The following SCRN3 variants were observed in gnomAD, a reference collection of about 807,000 sequenced individuals.
SCRN3 encodes the protein secernin-3.
Under a neutral mutation model 43.1 loss-of-function variants are expected in SCRN3, and 39 were observed. That is an observed-to-expected ratio of 0.91 (90% CI 0.70 to 1.18). The LOEUF (loss-of-function observed/expected upper bound fraction) is 1.18. Among genes scored for constraint, SCRN3 ranks in the 50% most tolerant of loss-of-function variants. SCRN3 has a pLI of 0.00. For missense variants in SCRN3, 484 were observed against 498.0 expected (o/e 0.97, Z 0.27); for synonymous variants, 147 against 163.1 (o/e 0.90, Z 0.75).
chr2:174,421,038 A>C (rs1383126388), intron 5 of SCRN3, among the ~76,000 whole-genome samples: 3 of 152,178 alleles, frequency 2.0e-5, no homozygotes, highest in Non-Finnish European at 4.4e-5. Flanking sequence ...AAGATTTCTG[A>C]GGGGGAAAAA....
At chr2:174,414,783 A>G (rs1420728147) in intron 5 of SCRN3, among the ~76,000 whole-genome samples, 2 of 66,790 alleles carry the variant, frequency 3.0e-5, no homozygotes, top group African/African-American at 1.0e-4. Context: ...TTTTTTTTTG[A>G]GACAGAGTCT....
In SCRN3 at chr2:174,400,845, GA is replaced by G. The variant is rs1685483413; in HGVS notation, c.342-141del. On this transcript the variant is annotated intron_variant, in intron 3 of 7. Transcript: ENST00000272732. ...CATGATTCCAAACTGACTTCAGAAG[GA>G]AAAGTTTTAAAGTTAGATGTCATTT... 5.8e-6 allele frequency: 4 copies of G among 695,602 alleles called. No homozygotes were observed. The South Asian group carries it at 9.4e-5, about 16-fold the overall frequency. The allele number at this position is 695,602 out of a possible 1,614,324, so 43.1% of individuals were successfully genotyped here.
At chr2:174,421,487 T>C (rs962917979) in intron 5 of SCRN3, among the ~76,000 whole-genome samples, 1 of 152,190 alleles carries the variant, frequency 6.6e-6, no homozygotes, top group African/African-American at 2.4e-5. Context: ...CACAGGATGC[T>C]TTTAGCCAGT....
At chr2:174,421,102 A>G (rs1000979648) in intron 5 of SCRN3, among the ~76,000 whole-genome samples, 10 of 152,228 alleles carry the variant, frequency 6.6e-5, no homozygotes, top group Non-Finnish European at 1.5e-4. Context: ...TCAAGGAACA[A>G]ATATAAAGCT....
intron 5 of SCRN3, among the ~76,000 whole-genome samples, chr2:174,413,165 C>T (rs1001917699): frequency 1.3e-5 from 2 of 152,054 alleles, no homozygotes; most frequent in Non-Finnish European, 2.9e-5. Context: ...AGCCACCACA[C>T]CCGGCCGATA....
At chr2:174,413,451 A>C (rs1298593663) in intron 5 of SCRN3, among the ~76,000 whole-genome samples, 1 of 152,164 alleles carries the variant, frequency 6.6e-6, no homozygotes, top group Non-Finnish European at 1.5e-5. Flanking sequence ...AGCTGCTTGC[A>C]GTCTGCCCCA....
At chr2:174,429,706 A>G (rs1402948894), downstream of SCRN3, 1 of 152,182 alleles carries the variant, frequency 6.6e-6, no homozygotes, top group African/African-American at 2.4e-5. Flanking sequence ...TTATAAAATG[A>G]CATGTATCCA....
chr2:174,420,984 G>A (rs1009817705), intron 5 of SCRN3, among the ~76,000 whole-genome samples: 3 of 152,020 alleles, frequency 2.0e-5, no homozygotes, highest in African/African-American at 4.8e-5. Context: ...TGCAAATCCC[G>A]AGAAGGACAA....
intron 5 of SCRN3, among the ~76,000 whole-genome samples, chr2:174,416,988 C>T (rs1686133203): frequency 6.6e-6 from 1 of 152,006 alleles, no homozygotes; most frequent in South Asian, 2.1e-4. Context: ...TCCAAAAGAA[C>T]ATGTTATAAT....
intron 3 of SCRN3, 80 bp downstream of exon 3, chr2:174,400,183 C>G: frequency 8.9e-7 from 1 of 1,129,060 alleles, no homozygotes; most frequent in Non-Finnish European, 1.2e-6. Flanking sequence ...TTTTATTTTC[C>G]TATTTTTGAG....
Position 174,419,106 on chromosome 2 carries a change from A to G in SCRN3, c.755-3779A>G, listed in dbSNP as rs1206232803. On this transcript the variant is annotated intron_variant, in intron 5 of 7. Transcript: ENST00000272732. ...ATATTGTGAATTACAATTTGGATAC[A>G]GGCTTGCTGTGAGCTTTTTCTTTTA... 5.3e-5 allele frequency among the ~76,000 whole-genome samples: 8 copies of G among 152,312 alleles called. No homozygotes were observed. The South Asian group carries it at 8.3e-4, about 16-fold the overall frequency.
At chr2:174,422,613 A>G (rs1459446627) in intron 5 of SCRN3, among the ~76,000 whole-genome samples, 1 of 151,066 alleles carries the variant, frequency 6.6e-6, no homozygotes, top group Non-Finnish European at 1.5e-5. Flanking sequence ...GGGATTGAAT[A>G]TATTTTTGCG....
chr2:174,412,463 G>A (rs1685955178), intron 5 of SCRN3, among the ~76,000 whole-genome samples: 1 of 151,914 alleles, frequency 6.6e-6, no homozygotes, highest in Admixed American at 6.6e-5. Context: ...GCTGCTGGGA[G>A]GCATCTAAAA....
intron 7 of SCRN3, among the ~76,000 whole-genome samples, chr2:174,425,026 A>G (rs1377276533): frequency 6.6e-6 from 1 of 152,186 alleles, no homozygotes; most frequent in African/African-American, 2.4e-5. Flanking sequence ...CTTAGTATAT[A>G]TCCCACACCA....
At chr2:174,416,955 A>C (rs1686132276) in intron 5 of SCRN3, among the ~76,000 whole-genome samples, 1 of 152,220 alleles carries the variant, frequency 6.6e-6, no homozygotes. Flanking sequence ...CAAAGTAGTT[A>C]ATATCTTATT....
intron 5 of SCRN3, among the ~76,000 whole-genome samples, chr2:174,422,095 CATCAGTAACT>C (rs1362273110): frequency 2.6e-5 from 4 of 152,072 alleles, no homozygotes; most frequent in Non-Finnish European, 4.4e-5. Context: ...AAATCCAAAT[CATCAGTAACT>C]ATATTATATT....
At chr2:174,405,339 TG>T (rs1685657688) in intron 5 of SCRN3, among the ~76,000 whole-genome samples, 2 of 118,504 alleles carry the variant, frequency 1.7e-5, no homozygotes, top group Non-Finnish European at 1.8e-5. Context: ...TTGAGTTCAT[TG>T]TAGATTCTGG....
At chr2:174,420,500 G>A (rs1686260261) in intron 5 of SCRN3, among the ~76,000 whole-genome samples, 1 of 152,112 alleles carries the variant, frequency 6.6e-6, no homozygotes, top group Non-Finnish European at 1.5e-5. Flanking sequence ...AGAAAAAGTA[G>A]ATAGTAGAAA....
At chr2:174,421,884 A>C (rs1295901899) in intron 5 of SCRN3, among the ~76,000 whole-genome samples, 1 of 152,112 alleles carries the variant, frequency 6.6e-6, no homozygotes, top group Non-Finnish European at 1.5e-5. Context: ...TGCTTGCGTT[A>C]ATTGGTAAGT....
Sources: gnomAD v4.1 joint callset for allele counts (sites outside exome capture counted in the v4.1 genomes callset) on GRCh38, gnomAD v4.1.1 for gene constraint, MANE v1.5 for transcripts, NCBI Gene and HGNC (gene_info 2026-07-23, HGNC 2026-07-21) for gene names.